The following SEMA6D variants were observed in gnomAD, a reference collection of about 807,000 sequenced individuals.
SEMA6D encodes semaphorin 6D.
Under a neutral mutation model 106.6 loss-of-function variants are expected in SEMA6D, and 35 were observed. The observed-to-expected ratio is 0.33, with a 90% CI of 0.25 to 0.44. The LOEUF (loss-of-function observed/expected upper bound fraction) is 0.44, where lower values mean the gene tolerates loss of function less well. Ranked by LOEUF, SEMA6D falls within the 20% of genes least tolerant of loss-of-function variation. The pLI, the probability that SEMA6D is intolerant of heterozygous loss-of-function variation, is 1.00. For missense variants in SEMA6D, 1,185 were observed against 1,345.9 expected, an observed-to-expected ratio of 0.88 and a Z score of 1.87; for synonymous variants, 499 against 487.7, an observed-to-expected ratio of 1.02 and a Z score of -0.31.
chr15:47,369,971 C>T (rs2039209027), intron 1 of SEMA6D, among the ~76,000 whole-genome samples: 1 of 152,198 alleles, frequency 6.6e-6, no homozygotes, highest in Non-Finnish European at 1.5e-5. Context: ...TTATTATCCC[C>T]ATTTTGCAGA....
At chr15:47,758,676 C>A (rs1378292661) in intron 1 of SEMA6D, among the ~76,000 whole-genome samples, 2 of 152,078 alleles carry the variant, frequency 1.3e-5, no homozygotes, top group Admixed American at 1.3e-4. Flanking sequence ...TTAAATTTAA[C>A]ACCTATGAAG....
intron 1 of SEMA6D, among the ~76,000 whole-genome samples, chr15:47,367,087 A>G (rs943923350): frequency 6.6e-6 from 1 of 152,194 alleles, no homozygotes; most frequent in Non-Finnish European, 1.5e-5. Flanking sequence ...CGGAATTAAT[A>G]ATAGCATCTG....
intron 2 of SEMA6D, among the ~76,000 whole-genome samples, chr15:47,420,884 A>AATGTAC (rs970747407): frequency 6.6e-6 from 1 of 152,118 alleles, no homozygotes; most frequent in Non-Finnish European, 1.5e-5. Context: ...AGAACAAAAA[A>AATGTAC]ATGTACATAT....
chr15:47,409,943 C>T (rs1429814689), intron 1 of SEMA6D, among the ~76,000 whole-genome samples: 2 of 151,972 alleles, frequency 1.3e-5, no homozygotes, highest in African/African-American at 4.8e-5. Flanking sequence ...GCTAAAAGCT[C>T]TATGCAACAC....
chr15:47,202,423 A>T (rs887991165), intron 1 of SEMA6D, among the ~76,000 whole-genome samples: 10 of 151,930 alleles, frequency 6.6e-5, no homozygotes, highest in Non-Finnish European at 1.5e-4. Flanking sequence ...GGGACATTCG[A>T]TTGGTAAGGG....
intron 1 of SEMA6D, among the ~76,000 whole-genome samples, chr15:47,331,731 A>T (rs1205764024): frequency 1.3e-5 from 2 of 152,220 alleles, no homozygotes; most frequent in African/African-American, 4.8e-5. Context: ...ATGCAAATAC[A>T]GTTTGCAAAT....
chr15:47,262,144 C>G (rs1314525128), intron 1 of SEMA6D, among the ~76,000 whole-genome samples: 1 of 152,060 alleles, frequency 6.6e-6, no homozygotes, highest in African/African-American at 2.4e-5. Context: ...AAAAAAATCT[C>G]TACGAGGAGA....
intron 1 of SEMA6D, among the ~76,000 whole-genome samples, chr15:47,220,964 T>C (rs1434482207): frequency 6.6e-6 from 1 of 152,180 alleles, no homozygotes; most frequent in East Asian, 1.9e-4. Flanking sequence ...GTTAATATAT[T>C]AAAATGTCTG....
chr15:47,213,071 C>G (rs1445901158), intron 1 of SEMA6D, among the ~76,000 whole-genome samples: 1 of 152,078 alleles, frequency 6.6e-6, no homozygotes, highest in East Asian at 1.9e-4. Flanking sequence ...GAAGTGTTGG[C>G]AATGTTCTTA....
rs1006167008 is a variant in SEMA6D, at chr15:47,763,204, C to T, written c.747+100C>T. The T allele has an allele frequency of 1.0e-5, 9 of 890,500 alleles. No homozygotes were observed. The Admixed American group carries it at 1.1e-4, about 11-fold the overall frequency. 55.2% of individuals were successfully genotyped at this position (890,500 alleles called of 1,614,324 possible). Reference sequence around the variant, plus strand: ...TGCTCACTTGGCATGTTTTCCAGCTCTCAATTCAGTATACATAGGGCCAAC... The same window carrying T: ...TGCTCACTTGGCATGTTTTCCAGCTTTCAATTCAGTATACATAGGGCCAAC... On this transcript the variant is annotated intron_variant, in intron 9 of 18. Transcript: ENST00000536845.
At chr15:47,700,895 C>A (rs1040814417) in intron 4 of SEMA6D, among the ~76,000 whole-genome samples, 3 of 152,132 alleles carry the variant, frequency 2.0e-5, no homozygotes, top group Non-Finnish European at 4.4e-5. Context: ...TTTACTGTAA[C>A]AACTGGATAC....
At chr15:47,301,102 C>T (rs1400895955) in intron 1 of SEMA6D, among the ~76,000 whole-genome samples, 2 of 152,188 alleles carry the variant, frequency 1.3e-5, no homozygotes, top group Admixed American at 1.3e-4. Flanking sequence ...GGGAGCTAGA[C>T]AAAATGGAGT....
At chr15:47,619,809 G>A (rs1047498802) in intron 4 of SEMA6D, among the ~76,000 whole-genome samples, 7 of 152,158 alleles carry the variant, frequency 4.6e-5, no homozygotes, top group African/African-American at 1.7e-4. Flanking sequence ...TGGAATTTTT[G>A]TCCATGTTAT....
intron 1 of SEMA6D, among the ~76,000 whole-genome samples, chr15:47,210,905 A>G (rs1238696869): frequency 6.6e-6 from 1 of 152,028 alleles, no homozygotes; most frequent in Admixed American, 6.6e-5. Context: ...CTTTTAATAC[A>G]GTGTTTTTTT....
intron 4 of SEMA6D, chr15:47,603,244 C>G (rs1364681122): frequency 6.6e-6 from 1 of 152,216 alleles, no homozygotes; most frequent in African/African-American, 2.4e-5. Context: ...CATCATCTCT[C>G]AGAAGCCCAC....
At chr15:47,210,404 G>A (rs566135679) in intron 1 of SEMA6D, among the ~76,000 whole-genome samples, 5 of 152,096 alleles carry the variant, frequency 3.3e-5, no homozygotes, top group South Asian at 2.1e-4. Flanking sequence ...GGTATACTTG[G>A]CCATGTGATA....
intron 1 of SEMA6D, among the ~76,000 whole-genome samples, chr15:47,256,053 A>G (rs958495410): frequency 3.9e-5 from 6 of 152,060 alleles, no homozygotes; most frequent in African/African-American, 9.7e-5. Flanking sequence ...CCATTAATCT[A>G]TGTGTCTGTT....
chr15:47,577,951 C>G (rs1180538173), intron 3 of SEMA6D, among the ~76,000 whole-genome samples: 1 of 152,182 alleles, frequency 6.6e-6, no homozygotes. Context: ...ATATAGTATT[C>G]TCATGTTTAT....
intron 1 of SEMA6D, among the ~76,000 whole-genome samples, chr15:47,307,598 GC>G: frequency 6.9e-6 from 1 of 144,284 alleles, no homozygotes; most frequent in South Asian, 2.1e-4. Flanking sequence ...TTTGGTAATG[GC>G]CAGATTTCAG....
Sources: allele counts gnomAD v4.1 joint callset (sites outside exome capture counted in the v4.1 genomes callset), GRCh38; gene constraint gnomAD v4.1.1; transcripts MANE v1.5; gene names NCBI Gene and HGNC (gene_info 2026-07-23, HGNC 2026-07-21).